The following SH3GL3 variants were observed in gnomAD, a reference collection of about 807,000 sequenced individuals.
SH3GL3 encodes the protein endophilin-A3.
SH3GL3 carries 33 observed loss-of-function variants against 47.7 expected under a neutral mutation model. The observed-to-expected ratio is 0.69, with a 90% CI of 0.52 to 0.92. SH3GL3 has a LOEUF of 0.92. Among genes scored for constraint, SH3GL3 ranks in the 40% least tolerant of loss-of-function variants. The pLI, the probability that SH3GL3 is intolerant of heterozygous loss-of-function variation, is 0.00. For missense variants in SH3GL3, 363 were observed against 417.8 expected (o/e 0.87, Z 1.14); for synonymous variants, 155 against 148.8 (o/e 1.04, Z -0.30).
chr15:83,564,730 A>G (rs1349345870), intron 2 of SH3GL3, among the ~76,000 whole-genome samples: 1 of 152,202 alleles, frequency 6.6e-6, no homozygotes, highest in African/African-American at 2.4e-5. Context: ...AATATGAATC[A>G]TTACTGTGGC....
At chr15:83,534,309 A>G (rs924921175) in intron 1 of SH3GL3, among the ~76,000 whole-genome samples, 10 of 152,122 alleles carry the variant, frequency 6.6e-5, no homozygotes, top group Admixed American at 2.6e-4. Context: ...AAATTACCCA[A>G]TTGCTGGTAT....
chr15:83,483,766 C>T (rs909295516), intron 1 of SH3GL3, among the ~76,000 whole-genome samples: 1 of 152,208 alleles, frequency 6.6e-6, no homozygotes, highest in African/African-American at 2.4e-5. Context: ...GGATTCCCAT[C>T]CCCATGGCCC....
In SH3GL3 at chr15:83,549,723, T is replaced by C. The variant is rs117798665; in HGVS notation, c.46-9530T>C. ...TTGAACATAGCTTGTCAGGTTTGCT[T>C]CTTTATGTTTCCCTTTTTCCCAGAA... On this transcript the variant is annotated intron_variant, in intron 1 of 8. Coordinates refer to ENST00000427482, the MANE Select transcript of SH3GL3 (RefSeq NM_003027.5). 1.2e-4 allele frequency among the ~76,000 whole-genome samples: 18 copies of C among 152,318 alleles called. No homozygotes were observed. The East Asian group carries it at 3.3e-3, about 28-fold the overall frequency.
Position 83,468,279 on chromosome 15 carries a change from G to A in SH3GL3, c.45+20701G>A, listed in dbSNP as rs28771082. The stretch of plus-strand genomic sequence containing the variant: ...TTTGTTTTTGTTTTTTAGATTCCTT[G>A]GGATTTTCTATGTAAACAATTATGT... On this transcript the variant is annotated intron_variant, in intron 1 of 8. Coordinates refer to ENST00000427482, the MANE Select transcript of SH3GL3 (RefSeq NM_003027.5). Among the ~76,000 whole-genome samples, 1,435 of 152,146 alleles carry A rather than the reference G, an allele frequency of 9.4e-3. 25 individuals are homozygous for A. The highest frequency in any genetic ancestry group is 0.032 in the African/African-American group (1,317 of 41,500).
At chr15:83,560,240 C>T (rs1323743498) in intron 2 of SH3GL3, among the ~76,000 whole-genome samples, 1 of 152,174 alleles carries the variant, frequency 6.6e-6, no homozygotes, top group Non-Finnish European at 1.5e-5. Context: ...GAAGTCCAGC[C>T]CCAGGCTGCG....
At chr15:83,571,359 AT>A (rs1297320499) in intron 4 of SH3GL3, among the ~76,000 whole-genome samples, 1 of 152,102 alleles carries the variant, frequency 6.6e-6, no homozygotes, top group Non-Finnish European at 1.5e-5. Context: ...AGGCAATACC[AT>A]TTCTCACCAT....
At chr15:83,490,781 C>T in intron 1 of SH3GL3, 1 of 1,610,942 alleles carries the variant, frequency 6.2e-7, no homozygotes, top group Middle Eastern at 1.7e-4. Context: ...ACCATTTTCC[C>T]AATGAGCAGT....
At chr15:83,526,572 C>A (rs1016326061) in intron 1 of SH3GL3, among the ~76,000 whole-genome samples, 2 of 152,038 alleles carry the variant, frequency 1.3e-5, no homozygotes, top group South Asian at 2.1e-4. Context: ...GAACAAAAAA[C>A]CAAAAACTGC....
rs1428503977 is a variant in SH3GL3 at position 83,576,691 on chromosome 15, GA to G, written c.575del (p.Glu192GlyfsTer14). 6.2e-7 allele frequency: 1 copy of G among 1,613,366 alleles called. No individual in the cohort carries two copies. Among genetic ancestry groups the G allele is most frequent in the Non-Finnish European group, 8.5e-7 (1 of 1,179,634 alleles). On this transcript the variant is annotated frameshift_variant, in exon 6 of 9. Coordinates refer to ENST00000427482, the MANE Select transcript of SH3GL3 (RefSeq NM_003027.5). LOFTEE classifies it high-confidence loss of function. Reference protein sequence around the residue: ...EVRQAVEKFEESKELAERSMF... With the variant: ...EVRQAVEKFEXSKELAERSMF... ...CAGACAAGCGGTAGAAAAATTTGAAGAGTCAAAGGAGTTGGCTGAAAGAAGC... is the reference window on the plus strand; with the variant it reads ...CAGACAAGCGGTAGAAAAATTTGAAGGTCAAAGGAGTTGGCTGAAAGAAGC...
At chr15:83,564,566 G>T (rs984297173) in intron 2 of SH3GL3, among the ~76,000 whole-genome samples, 14 of 152,234 alleles carry the variant, frequency 9.2e-5, no homozygotes, top group Non-Finnish European at 2.1e-4. Flanking sequence ...GAAAGATTCA[G>T]TCTTAACCAG....
intron 1 of SH3GL3, among the ~76,000 whole-genome samples, chr15:83,471,642 T>C (rs1301275246): frequency 6.6e-6 from 1 of 152,228 alleles, no homozygotes; most frequent in Non-Finnish European, 1.5e-5. Context: ...GACACAGGTC[T>C]CTGAACCTCT....
chr15:83,540,789 A>C (rs2044116900), intron 1 of SH3GL3, among the ~76,000 whole-genome samples: 1 of 152,202 alleles, frequency 6.6e-6, no homozygotes, highest in South Asian at 2.1e-4. Flanking sequence ...TGTTATGAAC[A>C]TTCTAATTGT....
At chr15:83,486,037 GGGCCTTTCTCTTA>G (rs1289230302) in intron 1 of SH3GL3, among the ~76,000 whole-genome samples, 1 of 152,088 alleles carries the variant, frequency 6.6e-6, no homozygotes, top group Non-Finnish European at 1.5e-5. Context: ...TGAAAAATAA[GGGCCTTTCTCTTA>G]GGCCTTTCTC....
At chr15:83,512,782 C>T (rs2042821707) in intron 1 of SH3GL3, among the ~76,000 whole-genome samples, 1 of 152,056 alleles carries the variant, frequency 6.6e-6, no homozygotes, top group Admixed American at 6.6e-5. Context: ...TGGCTGCCAC[C>T]TCCCTCCCTC....
chr15:83,492,555 C>T (rs1303434075), intron 1 of SH3GL3, among the ~76,000 whole-genome samples: 1 of 152,160 alleles, frequency 6.6e-6, no homozygotes, highest in Non-Finnish European at 1.5e-5. Flanking sequence ...GCCAGGAACA[C>T]CTGTGACGCT....
chr15:83,599,196 G>GTA (rs1225896372), intron 8 of SH3GL3, among the ~76,000 whole-genome samples: 1 of 151,598 alleles, frequency 6.6e-6, no homozygotes, highest in African/African-American at 2.4e-5. Flanking sequence ...TATTTTTTTG[G>GTA]TATTCTAATT....
intron 1 of SH3GL3, among the ~76,000 whole-genome samples, chr15:83,461,773 C>T (rs1315862224): frequency 6.6e-6 from 1 of 151,966 alleles, no homozygotes; most frequent in Non-Finnish European, 1.5e-5. Context: ...TTGATTTGGC[C>T]TTCTTGCTTC....
chr15:83,579,965 T>C (rs1343066324), intron 6 of SH3GL3, among the ~76,000 whole-genome samples: 1 of 152,214 alleles, frequency 6.6e-6, no homozygotes, highest in Admixed American at 6.5e-5. Context: ...ATGCCGATAC[T>C]GCCTGGTGCT....
downstream of SH3GL3, among the ~76,000 whole-genome samples, chr15:83,619,457 G>T (rs1377041922): frequency 6.6e-6 from 1 of 152,142 alleles, no homozygotes; most frequent in Non-Finnish European, 1.5e-5. Flanking sequence ...CATAGCTAAT[G>T]CGTGTCGGGC....
Sources: gnomAD v4.1 joint callset for allele counts (sites outside exome capture counted in the v4.1 genomes callset) on GRCh38, gnomAD v4.1.1 for gene constraint, MANE v1.5 for transcripts, NCBI Gene and HGNC (gene_info 2026-07-23, HGNC 2026-07-21) for gene names.